Variants in TFDP2 observed in about 807,000 individuals in gnomAD.
TFDP2 encodes the protein transcription factor Dp-2 (E2F dimerization partner 2).
Under a neutral mutation model 59.3 loss-of-function variants are expected in TFDP2, and 17 were observed. The ratio of observed to expected loss-of-function variants is 0.29; its 90% CI spans 0.20 to 0.43. The LOEUF (loss-of-function observed/expected upper bound fraction) is 0.43. Among genes scored for constraint, TFDP2 ranks in the 20% least tolerant of loss-of-function variants. The pLI, the probability that TFDP2 is intolerant of heterozygous loss-of-function variation, is 1.00. For synonymous variants in TFDP2, 180 were observed against 194.7 expected (o/e 0.92, Z 0.63); for missense variants, 391 against 528.8 (o/e 0.74, Z 2.56).
At chr3:142,005,413 C>A in intron 4 of TFDP2, 28 bp downstream of exon 4, 5 of 1,510,856 alleles carry the variant, frequency 3.3e-6, no homozygotes, top group South Asian at 1.2e-5. Context: ...AACAAAGTTT[C>A]AATTCTAAGA....
intron 3 of TFDP2, among the ~76,000 whole-genome samples, chr3:142,082,316 A>G (rs2060663601): frequency 6.6e-6 from 1 of 152,232 alleles, no homozygotes; most frequent in Non-Finnish European, 1.5e-5. Context: ...GGTGAGTTGT[A>G]TAATTACTTC....
chr3:142,041,777 A>G (rs1411306341), intron 3 of TFDP2, among the ~76,000 whole-genome samples: 1 of 152,330 alleles, frequency 6.6e-6, no homozygotes, highest in East Asian at 1.9e-4. Context: ...TTCTTCTAGA[A>G]GTTTTATAGT....
chr3:142,101,020 A>G lies in TFDP2; in HGVS notation c.15+715T>C, dbSNP rs117716119. 2.3e-4 allele frequency among the ~76,000 whole-genome samples: 35 copies of G among 152,298 alleles called. No individual in the cohort carries two copies. In the East Asian group the frequency reaches 5.6e-3, roughly 24 times the overall value. On this transcript the variant is annotated intron_variant, in intron 2 of 12. Transcript: ENST00000489671. ...CCCAGTCAAAGATTCCTACATAATA[A>G]TATAGGAACAGTAAAGCAATTAGAC...
At chr3:141,969,095 T>TATATCTCATATATATATATAAC (rs1559941732) in intron 9 of TFDP2, among the ~76,000 whole-genome samples, 1 of 70,338 alleles carries the variant, frequency 1.4e-5, no homozygotes, top group Non-Finnish European at 2.7e-5. Context: ...ATATAACATA[T>TATATCTCATATATATATATAAC]ATATATATCT....
At chr3:141,975,806 A>C (rs1044826343) in intron 7 of TFDP2, among the ~76,000 whole-genome samples, 1 of 151,996 alleles carries the variant, frequency 6.6e-6, no homozygotes, top group African/African-American at 2.4e-5. Flanking sequence ...TTGATATTGG[A>C]AGGGATATGG....
chr3:142,119,789 G>A (rs1001532293), intron 1 of TFDP2, among the ~76,000 whole-genome samples: 1 of 152,196 alleles, frequency 6.6e-6, no homozygotes, highest in Non-Finnish European at 1.5e-5. Context: ...AGCGGCTCAC[G>A]CCTGTAATCC....
At chr3:141,980,502 T>C (rs1031712407) in intron 6 of TFDP2, among the ~76,000 whole-genome samples, 5 of 152,108 alleles carry the variant, frequency 3.3e-5, no homozygotes, top group Non-Finnish European at 7.3e-5. Flanking sequence ...TTATTCATTG[T>C]ATCTAAGTGT....
intron 3 of TFDP2, among the ~76,000 whole-genome samples, chr3:142,055,941 C>CTTTT (rs529693273): frequency 7.1e-5 from 5 of 70,186 alleles, no homozygotes; most frequent in Admixed American, 4.3e-4. Context: ...TATTAAGTAC[C>CTTTT]TTTTTTTTTT....
chr3:142,082,424 C>T (rs1487074215), intron 3 of TFDP2, among the ~76,000 whole-genome samples: 1 of 152,110 alleles, frequency 6.6e-6, no homozygotes, highest in Non-Finnish European at 1.5e-5. Flanking sequence ...CACCCCAGTC[C>T]ATGGAAAAAT....
intron 1 of TFDP2, among the ~76,000 whole-genome samples, chr3:142,118,455 G>C (rs923543530): frequency 1.1e-4 from 17 of 152,068 alleles, no homozygotes; most frequent in African/African-American, 3.4e-4. Context: ...TTTTAAACAA[G>C]AATTTGAGGA....
intron 9 of TFDP2, among the ~76,000 whole-genome samples, chr3:141,967,939 T>C (rs1219162087): frequency 2.0e-5 from 3 of 152,068 alleles, no homozygotes; most frequent in African/African-American, 4.8e-5. Context: ...GGCATGCTGA[T>C]AAACAGGTTT....
chr3:142,003,011 T>G (rs930391268), intron 4 of TFDP2, among the ~76,000 whole-genome samples: 1 of 151,834 alleles, frequency 6.6e-6, no homozygotes, highest in African/African-American at 2.4e-5. Flanking sequence ...CTTCAACTTT[T>G]TTTTTTTTTT....
chr3:142,134,753 T>C (rs958713926), intron 1 of TFDP2, among the ~76,000 whole-genome samples: 3 of 151,994 alleles, frequency 2.0e-5, no homozygotes, highest in African/African-American at 2.4e-5. Flanking sequence ...CATAGATAGG[T>C]AGATAGAAAG....
intron 1 of TFDP2, among the ~76,000 whole-genome samples, chr3:142,107,589 T>C (rs557207182): frequency 2.6e-5 from 4 of 152,292 alleles, no homozygotes; most frequent in African/African-American, 9.6e-5. Flanking sequence ...GTGAGCAGCA[T>C]ATCTAGGCAT....
At chr3:142,123,108 C>T (rs922270751) in intron 1 of TFDP2, among the ~76,000 whole-genome samples, 2 of 151,956 alleles carry the variant, frequency 1.3e-5, no homozygotes, top group South Asian at 2.1e-4. Context: ...ATTACAGGCG[C>T]GCACCACTAC....
rs144216959 is a variant in TFDP2 at position 142,109,135 on chromosome 3, T to C, written c.-92-7294A>G. ...GAGCACAGGAACCCTGTGCATTTTG[T>C]TCACCCTTACATATCAAATGCCTGG... On this transcript the variant is annotated intron_variant, in intron 1 of 12. Transcript: ENST00000489671. Among the ~76,000 whole-genome samples the C allele has an allele frequency of 1.9e-3, 288 of 152,338 alleles. 3 individuals are homozygous for C. Among genetic ancestry groups the C allele is most frequent in the African/African-American group, 6.7e-3 (277 of 41,580 alleles).
intron 4 of TFDP2, among the ~76,000 whole-genome samples, chr3:141,997,742 TG>T (rs1943399527): frequency 6.8e-6 from 1 of 147,812 alleles, no homozygotes; most frequent in Non-Finnish European, 1.5e-5. Flanking sequence ...CTCAGCTACC[TG>T]GAAGGCTGAG....
intron 2 of TFDP2, 32 bp downstream of exon 2, chr3:142,101,703 A>G (rs1183621510): frequency 1.5e-6 from 2 of 1,337,304 alleles, no homozygotes; most frequent in Admixed American, 5.0e-5. Context: ...ACTTTAAACA[A>G]TACTTACATT....
chr3:142,144,707 A>T (rs1198689032), intron 1 of TFDP2, among the ~76,000 whole-genome samples: 1 of 151,876 alleles, frequency 6.6e-6, no homozygotes, highest in Admixed American at 6.6e-5. Context: ...AAGCCTGACT[A>T]CTTTTTGTAT....
Sources: allele counts gnomAD v4.1 joint callset (sites outside exome capture counted in the v4.1 genomes callset), GRCh38; gene constraint gnomAD v4.1.1; transcripts MANE v1.5; gene names NCBI Gene and HGNC (gene_info 2026-07-23, HGNC 2026-07-21).